The following THUMPD2 variants were observed in gnomAD, a reference collection of about 807,000 sequenced individuals.
The protein encoded by THUMPD2 is U6 snRNA (guanine-N(2))-methyltransferase THUMPD2.
A neutral mutation model predicts 49.4 loss-of-function variants in THUMPD2; 56 were observed. That is an observed-to-expected ratio of 1.13 (90% CI 0.91 to 1.41). The LOEUF (loss-of-function observed/expected upper bound fraction) is 1.41, where lower values mean the gene tolerates loss of function less well. Ranked by LOEUF, THUMPD2 falls within the 40% of genes most tolerant of loss-of-function variation. The pLI is 0.00. For synonymous variants in THUMPD2, 237 were observed against 205.2 expected, an observed-to-expected ratio of 1.15 and a Z score of -1.32; for missense variants, 709 against 594.5, an observed-to-expected ratio of 1.19 and a Z score of -2.00.
intron 6 of THUMPD2, among the ~76,000 whole-genome samples, chr2:39,757,741 C>T (rs1389583956): frequency 1.3e-5 from 2 of 152,192 alleles, no homozygotes; most frequent in Non-Finnish European, 2.9e-5. Flanking sequence ...ACTTGATTTT[C>T]CTTGTTATGA....
intron 9 of THUMPD2, among the ~76,000 whole-genome samples, chr2:39,741,969 A>G (rs536442495): frequency 6.6e-6 from 1 of 152,286 alleles, no homozygotes; most frequent in Non-Finnish European, 1.5e-5. Context: ...ACAGATACTG[A>G]GTAAGTTCTA....
intron 6 of THUMPD2, among the ~76,000 whole-genome samples, chr2:39,758,847 G>T (rs138191680): frequency 9.3e-5 from 14 of 150,866 alleles, no homozygotes; most frequent in Admixed American, 9.2e-4. Flanking sequence ...AGAATAATCG[G>T]AACACACACC....
intron 9 of THUMPD2, among the ~76,000 whole-genome samples, chr2:39,739,086 T>C (rs1409854958): frequency 2.6e-5 from 4 of 152,234 alleles, no homozygotes; most frequent in Non-Finnish European, 4.4e-5. Flanking sequence ...AACAATCTGG[T>C]AGACAGGTCT....
chr2:39,744,184 G>C (rs1026986717), intron 9 of THUMPD2, among the ~76,000 whole-genome samples, 186 bp downstream of exon 9: 9 of 151,968 alleles, frequency 5.9e-5, no homozygotes, highest in African/African-American at 2.2e-4. Flanking sequence ...AAAATTTATA[G>C]TGTAAGATGA....
At chr2:39,778,857 T>G (rs1456227820) in intron 1 of THUMPD2, among the ~76,000 whole-genome samples, 1 of 152,198 alleles carries the variant, frequency 6.6e-6, no homozygotes, top group Non-Finnish European at 1.5e-5. Flanking sequence ...ATCCAGGAAA[T>G]AACTTGCCTC....
At chr2:39,779,056 G>A in intron 1 of THUMPD2, 58 bp downstream of exon 1, 4 of 1,398,426 alleles carry the variant, frequency 2.9e-6, no homozygotes, top group Non-Finnish European at 3.7e-6. Context: ...ACTGGGGTGG[G>A]CAACAGGGCA....
chr2:39,768,015 C>T (rs1677786628), intron 4 of THUMPD2, among the ~76,000 whole-genome samples: 1 of 152,086 alleles, frequency 6.6e-6, no homozygotes, highest in African/African-American at 2.4e-5. Flanking sequence ...TAATCCCATA[C>T]CCATAACAAA....
intron 8 of THUMPD2, among the ~76,000 whole-genome samples, chr2:39,751,616 G>C (rs546860269): frequency 1.3e-5 from 2 of 149,818 alleles, no homozygotes; most frequent in South Asian, 4.2e-4. Flanking sequence ...ATATTCATTT[G>C]ATTCTAAATT....
chr2:39,775,874 T>C (rs1270140192), intron 1 of THUMPD2, among the ~76,000 whole-genome samples: 2 of 152,004 alleles, frequency 1.3e-5, no homozygotes, highest in South Asian at 2.1e-4. Flanking sequence ...ATGGAATAAC[T>C]TGACTTCCTG....
In THUMPD2 at chr2:39,752,646, A is replaced by C. The variant is rs79036397; in HGVS notation, c.1078+2649T>G. 5.2e-3 allele frequency among the ~76,000 whole-genome samples: 799 copies of C among 152,296 alleles called. 10 individuals are homozygous for C. The highest frequency in any genetic ancestry group is 0.018 in the African/African-American group (755 of 41,562). ...TTAATACTAAGAGGTTGTGATGATG[A>C]AACAACCTAAAACAGATGTTTTATT... On this transcript the variant is annotated intron_variant, in intron 8 of 9. Transcript: ENST00000505747.
intron 1 of THUMPD2, among the ~76,000 whole-genome samples, chr2:39,774,011 T>C (rs559827786): frequency 2.6e-5 from 4 of 152,264 alleles, no homozygotes; most frequent in Admixed American, 6.5e-5. Flanking sequence ...CATGTCTGCA[T>C]AGGTTTTCTC....
intron 9 of THUMPD2, among the ~76,000 whole-genome samples, chr2:39,739,828 G>C (rs929139182): frequency 6.6e-5 from 10 of 152,176 alleles, no homozygotes; most frequent in Non-Finnish European, 1.2e-4. Context: ...AGGAAGAAGT[G>C]GATGGGAAAA....
Position 39,768,884 on chromosome 2 carries a change from A to G in THUMPD2, c.673-383T>C, listed in dbSNP as rs985497890. ...CTATGTGTTTAAAAATTATCAGATT[A>G]GTATCATTAGACTCACCCTTTAGGG... On this transcript the variant is annotated intron_variant, in intron 3 of 9. Transcript: ENST00000505747. 3 of 1,295,148 alleles carry G rather than the reference A, an allele frequency of 2.3e-6. No individual in the cohort carries two copies. In the African/African-American group the frequency reaches 4.5e-5, roughly 20 times the overall value. 80.2% of individuals were successfully genotyped at this position (1,295,148 alleles called of 1,614,324 possible). A position where few individuals can be genotyped will look rare whatever the true frequency, so the allele number is the denominator to read the frequency against.
chr2:39,757,461 G>A (rs1037665097), intron 6 of THUMPD2: 5 of 1,256,400 alleles, frequency 4.0e-6, no homozygotes, highest in Non-Finnish European at 5.2e-6. Context: ...CCCCATGAAG[G>A]GGCAGTAAGG....
Position 39,747,559 on chromosome 2 carries a change from GC to G in THUMPD2, c.1079-3082del, listed in dbSNP as rs1217008685. Among the ~76,000 whole-genome samples the G allele has an allele frequency of 1.0e-3, 153 of 152,202 alleles. 1 individual carries two copies. The highest frequency in any genetic ancestry group is 3.4e-3 in the African/African-American group (142 of 41,536). The stretch of plus-strand genomic sequence containing the variant: ...TCTTTATTTTATATGAAAATTATAT[GC>G]TTTGAAATATTTGAAATATTTATTA... On this transcript the variant is annotated intron_variant, in intron 8 of 9. Coordinates refer to ENST00000505747, the MANE Select transcript of THUMPD2 (RefSeq NM_025264.5).
At position 39,774,055 on chromosome 2, in the gene THUMPD2, G is replaced by A. The variant is rs575107225; in HGVS notation, c.127-2415C>T. Among the ~76,000 whole-genome samples, 40 of 152,344 alleles carry A rather than the reference G, an allele frequency of 2.6e-4. No homozygotes were observed. The South Asian group carries it at 8.1e-3, about 31-fold the overall frequency. On this transcript the variant is annotated intron_variant, in intron 1 of 9. Coordinates refer to ENST00000505747, the MANE Select transcript of THUMPD2 (RefSeq NM_025264.5). Reference sequence around the variant, plus strand: ...CCAGTTTCCTCTGACATCCCAGAGTGTGCCTGTTAGGTAACTGGTATGTTT... The same window carrying A: ...CCAGTTTCCTCTGACATCCCAGAGTATGCCTGTTAGGTAACTGGTATGTTT...
At chr2:39,751,551 C>T (rs908530810) in intron 8 of THUMPD2, among the ~76,000 whole-genome samples, 6 of 151,964 alleles carry the variant, frequency 3.9e-5, no homozygotes, top group African/African-American at 1.4e-4. Flanking sequence ...AATATATCTG[C>T]AGATTTAAAA....
At chr2:39,773,886 T>A (rs959100827) in intron 1 of THUMPD2, among the ~76,000 whole-genome samples, 3 of 152,208 alleles carry the variant, frequency 2.0e-5, no homozygotes, top group Non-Finnish European at 4.4e-5. Context: ...AGAATAAGCA[T>A]ATTATCAGAA....
intron 8 of THUMPD2, among the ~76,000 whole-genome samples, chr2:39,747,075 T>G (rs967114415): frequency 2.6e-5 from 4 of 152,198 alleles, no homozygotes; most frequent in Non-Finnish European, 5.9e-5. Flanking sequence ...CCCAAAGGAC[T>G]TAGTGTGAAA....
Sources: allele counts gnomAD v4.1 joint callset (sites outside exome capture counted in the v4.1 genomes callset), GRCh38; gene constraint gnomAD v4.1.1; transcripts MANE v1.5; gene names NCBI Gene and HGNC (gene_info 2026-07-23, HGNC 2026-07-21).